The following ATAD2B variants were observed in gnomAD, a reference collection of about 807,000 sequenced individuals.
ATAD2B encodes ATPase family AAA domain-containing protein 2B.
Under a neutral mutation model 167.6 loss-of-function variants are expected in ATAD2B, and 40 were observed. That is an observed-to-expected ratio of 0.24 (90% CI 0.19 to 0.31). ATAD2B has a LOEUF of 0.31. ATAD2B is among the 10% of genes least tolerant of loss of function. ATAD2B has a pLI of 1.00. For synonymous variants in ATAD2B, 579 were observed against 596.5 expected (o/e 0.97, Z 0.43); for missense variants, 1,242 against 1,757.2 (o/e 0.71, Z 5.24).
intron 24 of ATAD2B, among the ~76,000 whole-genome samples, chr2:23,759,892 G>T (rs1676437116): frequency 6.6e-6 from 1 of 152,186 alleles, no homozygotes; most frequent in Admixed American, 6.5e-5. Context: ...AGCTTGCTCT[G>T]ACTCTGCAAG....
chr2:23,857,630 C>T (rs1693628414), intron 12 of ATAD2B, 127 bp from the exon 13 acceptor site: 3 of 404,264 alleles, frequency 7.4e-6, no homozygotes, highest in South Asian at 1.4e-4. Flanking sequence ...TATATAGCAA[C>T]GAGGAAATCT....
chr2:23,860,408 C>T (rs1296453701), intron 12 of ATAD2B, among the ~76,000 whole-genome samples: 1 of 152,172 alleles, frequency 6.6e-6, no homozygotes, highest in Non-Finnish European at 1.5e-5. Flanking sequence ...ACAAAATTCT[C>T]CCATGTTTTC....
In ATAD2B at chr2:23,777,376, A is replaced by ATCTATT. The variant is rs1679321172; in HGVS notation, c.3133+5492_3133+5493insAATAGA. ...TATCTATATCTATATCTATATCTAT[A>ATCTATT]TCTATATCTATATCTTGGTCTCAAA... is the stretch of plus-strand genomic sequence containing the variant. On this transcript the variant is annotated intron_variant, in intron 22 of 27. Transcript: ENST00000238789. Among the ~76,000 whole-genome samples the ATCTATT allele has an allele frequency of 6.6e-5, 10 of 151,986 alleles. 1 individual carries two copies. In the South Asian group the frequency reaches 2.1e-3, roughly 32 times the overall value.
intron 22 of ATAD2B, among the ~76,000 whole-genome samples, chr2:23,776,843 T>C (rs116813668): frequency 1.3e-5 from 2 of 152,202 alleles, no homozygotes; most frequent in Non-Finnish European, 2.9e-5. Context: ...GTATTTATCA[T>C]CTCTAAAAAT....
intron 14 of ATAD2B, among the ~76,000 whole-genome samples, chr2:23,830,324 T>C (rs113960337): frequency 2.6e-5 from 4 of 152,160 alleles, no homozygotes; most frequent in African/African-American, 7.2e-5. Context: ...TATAAGAATC[T>C]ATAATCAGCT....
At chr2:23,819,428 T>C (rs9967650) in intron 17 of ATAD2B, among the ~76,000 whole-genome samples, 122,765 of 150,542 alleles carry the variant, frequency 0.82, 50,157 homozygotes, top group East Asian at 0.93. Flanking sequence ...GAGGCAGAGG[T>C]TGCAGTGAGC....
At chr2:23,818,077 AACACACACACACACACATTACAC>A (rs1686729521) in intron 17 of ATAD2B, among the ~76,000 whole-genome samples, 1 of 142,266 alleles carries the variant, frequency 7.0e-6, no homozygotes, top group Non-Finnish European at 1.5e-5. Context: ...AACACACATA[AACACACACACACACACATTACAC>A]ACACACACAC....
intron 19 of ATAD2B, among the ~76,000 whole-genome samples, chr2:23,793,056 A>G (rs1329903592): frequency 6.6e-6 from 1 of 151,086 alleles, no homozygotes; most frequent in African/African-American, 2.4e-5. Flanking sequence ...CAAAATATTA[A>G]TATTAAAACA....
At position 23,878,025 on chromosome 2, in the gene ATAD2B, A is replaced by AAAAAAAAAAAG. The variant is rs1697242270; in HGVS notation, c.902-2122_902-2121insCTTTTTTTTTT. 9.4e-5 allele frequency among the ~76,000 whole-genome samples: 10 copies of AAAAAAAAAAAG among 106,924 alleles called. 1 individual carries two copies. The highest frequency in any genetic ancestry group is 2.1e-4 in the Non-Finnish European group (10 of 47,162). 70.1% of individuals were successfully genotyped at this position (106,924 alleles called of 152,430 possible). ...ACCCTATCTCCAAAGAAAAAAAAAA[A>AAAAAAAAAAAG]AAAAAAAAAAAAAAGCAAAATGTAT... On this transcript the variant is annotated intron_variant, in intron 7 of 27. Coordinates refer to ENST00000238789, the MANE Select transcript of ATAD2B (RefSeq NM_017552.4).
intron 7 of ATAD2B, among the ~76,000 whole-genome samples, chr2:23,877,430 G>C (rs868452904): frequency 4.0e-5 from 6 of 149,350 alleles, no homozygotes; most frequent in Middle Eastern, 3.5e-3. Flanking sequence ...GGAGGCAGAG[G>C]TTGCAGTGAG....
chr2:23,741,363 C>A, the ATAD2B span, among the ~76,000 whole-genome samples: 120 of 152,128 alleles, frequency 7.9e-4, 2 homozygotes, highest in Non-Finnish European at 2.1e-4. Context: ...AGATATAGAT[C>A]AATGGAACAG....
At chr2:23,849,099 T>C (rs1274909905) in intron 13 of ATAD2B, among the ~76,000 whole-genome samples, 3 of 151,360 alleles carry the variant, frequency 2.0e-5, no homozygotes, top group Non-Finnish European at 4.4e-5. Flanking sequence ...AAATAGAAAA[T>C]GGAAATGAAA....
At chr2:23,703,849 T>C in the ATAD2B span, 8 of 1,536,794 alleles carry the variant, frequency 5.2e-6, no homozygotes, top group East Asian at 2.4e-5. Context: ...TGAACCACTC[T>C]CGCCAGTTCT....
intron 6 of ATAD2B, among the ~76,000 whole-genome samples, chr2:23,881,897 A>G: frequency 6.6e-6 from 1 of 151,012 alleles, no homozygotes; most frequent in East Asian, 2.0e-4. Context: ...CTAATTTTGT[A>G]TTTTCAGTAG....
rs1685362536 is a variant in ATAD2B, at chr2:23,810,365, G to A, written c.2405C>T (p.Pro802Leu). The change falls in exon 18 of 28, where the codon CCA becomes CTA. Residue 802 changes from proline to leucine, a missense_variant. Coordinates refer to ENST00000238789, the MANE Select transcript of ATAD2B (RefSeq NM_017552.4). ...TTTGGCACTAACTGAATAAAGTGCT[G>A]GGAGATCTAGTCTATGCACAGAGAA... Reference protein sequence around the residue: ...ERFSVHRLDLPALYSVSAKTP... With the variant: ...ERFSVHRLDLLALYSVSAKTP... 6.2e-7 allele frequency: 1 copy of A among 1,613,894 alleles called. No individual in the cohort carries two copies. Among genetic ancestry groups the A allele is most frequent in the Non-Finnish European group, 8.5e-7 (1 of 1,179,838 alleles).
At chr2:23,890,735 G>C (rs1489186003) in intron 2 of ATAD2B, among the ~76,000 whole-genome samples, 1 of 152,118 alleles carries the variant, frequency 6.6e-6, no homozygotes, top group Non-Finnish European at 1.5e-5. Flanking sequence ...AGACCCTAAA[G>C]TCATTCCACA....
chr2:23,913,765 T>C (rs1483045954), intron 1 of ATAD2B, among the ~76,000 whole-genome samples: 1 of 152,032 alleles, frequency 6.6e-6, no homozygotes, highest in Non-Finnish European at 1.5e-5. Context: ...AAGGAGAAAC[T>C]TGTCCTTTAA....
chr2:23,684,349 A>C, the ATAD2B span: 1 of 1,312,208 alleles, frequency 7.6e-7, no homozygotes, highest in Non-Finnish European at 9.8e-7. This position sits in a 1 kb window ranked among gnomAD's most constrained non-coding sequence, Gnocchi z 4.4. Flanking sequence ...ATTAAAAAAA[A>C]AAAAACTCTT....
chr2:23,894,132 A>G (rs1699889308), intron 2 of ATAD2B, among the ~76,000 whole-genome samples: 1 of 152,166 alleles, frequency 6.6e-6, no homozygotes, highest in African/African-American at 2.4e-5. Flanking sequence ...AAATGGAAGC[A>G]TATCTTTCAT....
Sources: gnomAD v4.1 joint callset for allele counts (sites outside exome capture counted in the v4.1 genomes callset) on GRCh38, gnomAD v4.1.1 for gene constraint, Gnocchi (gnomAD v3.1) non-coding constraint, MANE v1.5 for transcripts, NCBI Gene and HGNC (gene_info 2026-07-23, HGNC 2026-07-21) for gene names.